OBI1: variants seen among roughly 807,000 people sequenced by gnomAD.
OBI1 encodes the protein ring finger protein 219.
Under a neutral mutation model 62.4 loss-of-function variants are expected in OBI1, and 59 were observed. The ratio of observed to expected loss-of-function variants is 0.95; its 90% CI spans 0.77 to 1.17. OBI1 has a LOEUF of 1.17. OBI1 is among the 50% of genes most tolerant of loss of function. OBI1 has a pLI of 0.00. For missense variants in OBI1, 875 were observed against 830.9 expected (o/e 1.05, Z -0.65); for synonymous variants, 302 against 292.8 (o/e 1.03, Z -0.32).
chr13:78,616,345 T>G lies in OBI1; in HGVS notation c.1416A>C (p.Thr472=). 6.2e-7 allele frequency: 1 copy of G among 1,614,056 alleles called. No individual in the cohort carries two copies. The highest frequency in any genetic ancestry group is 8.5e-7 in the Non-Finnish European group (1 of 1,179,904). Reference sequence around the variant, plus strand: ...CAAAATCTAAGTTTTGGGCATAGCTTGTGGAACAACAGTCCCAAAATCCTG... The same window carrying G: ...CAAAATCTAAGTTTTGGGCATAGCTGGTGGAACAACAGTCCCAAAATCCTG... ...PKTGFWDCCS[T]SYAQNLDFES... is the part of the protein sequence containing the mutation. The change falls in exon 6 of 6, where the codon ACA becomes ACC. Residue 472 remains threonine, a synonymous_variant. Coordinates refer to ENST00000282003, the MANE Select transcript of OBI1 (RefSeq NM_024546.4).
chr13:78,634,376 CCT>C (rs1219104606), intron 5 of OBI1, among the ~76,000 whole-genome samples: 3 of 151,970 alleles, frequency 2.0e-5, no homozygotes, highest in Non-Finnish European at 2.9e-5. Flanking sequence ...CCCAATGCAA[CCT>C]CTGCCTCCCG....
chr13:78,635,098 C>A lies in OBI1; in HGVS notation c.638+12G>T. 2 of 1,551,812 alleles carry A rather than the reference C, an allele frequency of 1.3e-6. No homozygotes were observed. Among genetic ancestry groups the A allele is most frequent in the East Asian group, 2.3e-5 (1 of 43,920 alleles). On this transcript the variant is annotated intron_variant, in intron 5 of 5. Coordinates refer to ENST00000282003, the MANE Select transcript of OBI1 (RefSeq NM_024546.4). ...ATAATCTGAAGCATTGCTCTGGGAG[C>A]AAAATACATACTTTTGAGGTGATCT...
intron 5 of OBI1, among the ~76,000 whole-genome samples, chr13:78,634,094 C>CA (rs773650945): frequency 0.023 from 2,007 of 86,308 alleles, 17 homozygotes; most frequent in Middle Eastern, 0.043. Flanking sequence ...AAACAAAAAA[C>CA]AAAAAAAAAA....
rs749761411 is a variant in OBI1, at chr13:78,650,743, CAA to C, written c.73-5748_73-5747del. On this transcript the variant is annotated intron_variant, in intron 1 of 5. Transcript: ENST00000282003. ...CAGACACTTCTACATAGCAATCCCT[CAA>C]AAAAAAAAAAAAAGGTAATATTACT... is the stretch of plus-strand genomic sequence containing the variant. Among the ~76,000 whole-genome samples, 656 of 128,444 alleles carry C rather than the reference CAA, an allele frequency of 5.1e-3. 5 individuals are homozygous for C. The highest frequency in any genetic ancestry group is 0.017 in the African/African-American group (603 of 35,440). 84.3% of individuals were successfully genotyped at this position (128,444 alleles called of 152,430 possible).
chr13:78,643,191 C>T (rs1876271234), intron 2 of OBI1, among the ~76,000 whole-genome samples: 2 of 152,104 alleles, frequency 1.3e-5, no homozygotes, highest in Non-Finnish European at 2.9e-5. Context: ...TATGAAATAT[C>T]ACTTAGGTAT....
intron 5 of OBI1, among the ~76,000 whole-genome samples, chr13:78,617,729 G>C (rs1875361450): frequency 6.6e-6 from 1 of 152,028 alleles, no homozygotes; most frequent in South Asian, 2.1e-4. Flanking sequence ...TTTAATTTAT[G>C]TCAGCACTAC....
chr13:78,659,045 T>C lies in OBI1; in HGVS notation c.72+4A>G. 6.2e-7 allele frequency: 1 copy of C among 1,612,496 alleles called. No individual in the cohort carries two copies. Among genetic ancestry groups the C allele is most frequent in the Non-Finnish European group, 8.5e-7 (1 of 1,179,186 alleles). On this transcript the variant is annotated splice_donor_region_variant and intron_variant, in intron 1 of 5. Transcript: ENST00000282003. ...TTGTAGCTGTGCCCACAATCACCCATTACCTTCCCCAAGCAAATGTGGCAC... is the reference window on the plus strand; with the variant it reads ...TTGTAGCTGTGCCCACAATCACCCACTACCTTCCCCAAGCAAATGTGGCAC...
chr13:78,627,739 G>A (rs575945432), intron 5 of OBI1, among the ~76,000 whole-genome samples: 1 of 152,260 alleles, frequency 6.6e-6, no homozygotes, highest in African/African-American at 2.4e-5. Context: ...ATAAACATAT[G>A]CAAGCATGTA....
At chr13:78,621,103 GAAAC>G (rs1002811313) in intron 5 of OBI1, among the ~76,000 whole-genome samples, 2 of 152,192 alleles carry the variant, frequency 1.3e-5, no homozygotes, top group African/African-American at 4.8e-5. Flanking sequence ...CTGAGGTAAT[GAAAC>G]AAAGCGAAAG....
In OBI1 at chr13:78,656,858, C is replaced by A. The variant is rs190116975; in HGVS notation, c.72+2191G>T. On this transcript the variant is annotated intron_variant, in intron 1 of 5. Transcript: ENST00000282003. ...TGTTGCCCAGGCTGGAGTGCAATGG[C>A]GCGATCTCAGCTCACTACAACCTCC... Among the ~76,000 whole-genome samples the A allele has an allele frequency of 1.2e-3, 160 of 133,314 alleles. 2 individuals carry two copies. Among genetic ancestry groups the A allele is most frequent in the African/African-American group, 4.5e-3 (152 of 33,968 alleles). 87.5% of individuals were successfully genotyped at this position (133,314 alleles called of 152,430 possible). A position where few individuals can be genotyped will look rare whatever the true frequency, so the allele number is the denominator to read the frequency against.
intron 1 of OBI1, among the ~76,000 whole-genome samples, chr13:78,649,121 C>A (rs760285273): frequency 1.1e-4 from 16 of 152,080 alleles, no homozygotes; most frequent in Non-Finnish European, 2.9e-5. Context: ...TGATGCTAAG[C>A]CCATTTTTAA....
intron 5 of OBI1, among the ~76,000 whole-genome samples, chr13:78,621,937 A>G (rs1244248103): frequency 6.6e-6 from 1 of 152,248 alleles, no homozygotes; most frequent in Non-Finnish European, 1.5e-5. Context: ...TGAGAAGGGA[A>G]GCACTATTCA....
rs1875169864 is a variant in OBI1, at chr13:78,614,397, C to T, written c.*1183G>A. 6.6e-6 allele frequency: 1 copy of T among 152,568 alleles called. No homozygotes were observed. The highest frequency in any genetic ancestry group is 1.5e-5 in the Non-Finnish European group (1 of 68,048). 9.5% of individuals were successfully genotyped at this position (152,568 alleles called of 1,614,324 possible). On this transcript the variant is annotated 3_prime_UTR_variant, in exon 6 of 6. Coordinates refer to ENST00000282003, the MANE Select transcript of OBI1 (RefSeq NM_024546.4). ...TGTTCAGTGCACATTAAACAGCATA[C>T]ATACCCATTTTTAAAGACCTATATA...
chr13:78,633,408 C>T (rs1182049917), intron 5 of OBI1, among the ~76,000 whole-genome samples: 2 of 152,136 alleles, frequency 1.3e-5, no homozygotes, highest in African/African-American at 4.8e-5. Flanking sequence ...TCTGGTTTTA[C>T]CAAGGGCAAC....
chr13:78,645,200 A>C (rs1159446864), intron 1 of OBI1, among the ~76,000 whole-genome samples: 1 of 152,056 alleles, frequency 6.6e-6, no homozygotes, highest in African/African-American at 2.4e-5. Context: ...GAGATACTGG[A>C]TCATGGAGAC....
Position 78,616,445 on chromosome 13 carries a change from T to C in OBI1, c.1316A>G (p.Asn439Ser), listed in dbSNP as rs761071964. Reference sequence around the variant, plus strand: ...TATATCATCTTCTGAAGAATCTTTATTAGAAACATTTGAAGAATCACAAAA... The same window carrying C: ...TATATCATCTTCTGAAGAATCTTTACTAGAAACATTTGAAGAATCACAAAA... ...DDFCDSSNVS[N>S]KDSSEDDISR... Residue 439 changes from asparagine to serine, a missense_variant, in exon 6 of 6, where the codon AAT (asparagine) becomes AGT (serine). By Grantham distance (46) the Asn-to-Ser change is conservative. Coordinates refer to ENST00000282003, the MANE Select transcript of OBI1 (RefSeq NM_024546.4). 4 of 1,613,384 alleles carry C rather than the reference T, an allele frequency of 2.5e-6. No homozygotes were observed. The highest frequency in any genetic ancestry group is 3.3e-5 in the Admixed American group (2 of 59,876).
chr13:78,616,429 T>A lies in OBI1; in HGVS notation c.1332A>T (p.Glu444Asp). ...SSNVSNKDSS[E>D]DDISRSENEK... is the part of the protein sequence containing the mutation. ...CATTTTCACTTCTACTTATATCATC[T>A]TCTGAAGAATCTTTATTAGAAACAT... is the stretch of plus-strand genomic sequence containing the variant. Residue 444 changes from glutamate (E) to aspartate (D), a missense_variant, in exon 6 of 6, where the codon GAA (glutamate) becomes GAT (aspartate). Transcript: ENST00000282003. The A allele has an allele frequency of 6.2e-7, 1 of 1,613,210 alleles. No homozygotes were observed. The highest frequency in any genetic ancestry group is 2.2e-5 in the East Asian group (1 of 44,876).
intron 5 of OBI1, among the ~76,000 whole-genome samples, chr13:78,618,770 A>G (rs1302770224): frequency 6.6e-6 from 1 of 152,216 alleles, no homozygotes; most frequent in African/African-American, 2.4e-5. Context: ...TCCCCATTTT[A>G]AAGACAAAGT....
Position 78,659,109 on chromosome 13 carries a change from G to C in OBI1, c.12C>G (p.Thr4=), listed in dbSNP as rs753705937. MAQ[T]VQNVTLSLTL... is the part of the protein sequence containing the mutation. ...TGAGCGACAATGTAACATTCTGCAC[G>C]GTCTGAGCCATGGCAGCGTTCAGAA... Residue 4 remains threonine, a synonymous_variant, in exon 1 of 6, where the codon ACC becomes ACG. Coordinates refer to ENST00000282003, the MANE Select transcript of OBI1 (RefSeq NM_024546.4). The C allele has an allele frequency of 3.1e-6, 5 of 1,611,692 alleles. No homozygotes were observed. Among genetic ancestry groups the C allele is most frequent in the Non-Finnish European group, 3.4e-6 (4 of 1,179,288 alleles).
Sources: gnomAD v4.1 joint callset for allele counts (sites outside exome capture counted in the v4.1 genomes callset) on GRCh38, gnomAD v4.1.1 for gene constraint, MANE v1.5 for transcripts, NCBI Gene and HGNC (gene_info 2026-07-23, HGNC 2026-07-21) for gene names.